Variants in KCNQ5 observed in about 807,000 individuals in gnomAD.
The protein encoded by KCNQ5 is potassium voltage-gated channel subfamily KQT member 5.
Under a neutral mutation model 98.2 loss-of-function variants are expected in KCNQ5, and 30 were observed. The observed-to-expected ratio is 0.31, with a 90% CI of 0.23 to 0.41. The LOEUF is 0.41. Among genes scored for constraint, KCNQ5 ranks in the 10% least tolerant of loss-of-function variants. The probability of loss-of-function intolerance (pLI) is 1.00; values close to 1 mark genes in which losing one functional copy is unlikely to be tolerated. For synonymous variants in KCNQ5, 458 were observed against 449.4 expected (o/e 1.02, Z -0.24); for missense variants, 835 against 1,182.5 (o/e 0.71, Z 4.31).
intron 1 of KCNQ5, among the ~76,000 whole-genome samples, chr6:72,805,698 C>T (rs1774919571): frequency 6.6e-6 from 1 of 151,978 alleles, no homozygotes; most frequent in Non-Finnish European, 1.5e-5. Context: ...CTTTCTATTT[C>T]TGTGAAGAAT....
intron 5 of KCNQ5, among the ~76,000 whole-genome samples, chr6:73,089,333 T>C (rs1004219950): frequency 3.9e-5 from 6 of 152,170 alleles, no homozygotes; most frequent in African/African-American, 1.2e-4. Flanking sequence ...AAGTAGCTTT[T>C]TTTGTTGTTG....
intron 3 of KCNQ5, among the ~76,000 whole-genome samples, chr6:73,049,031 A>G (rs1203916798): frequency 3.9e-5 from 6 of 152,170 alleles, no homozygotes; most frequent in African/African-American, 1.4e-4. Flanking sequence ...AACTGTCACT[A>G]TGGGGTAAAT....
chr6:72,902,818 CT>C (rs1581987645), intron 1 of KCNQ5, among the ~76,000 whole-genome samples: 1 of 152,046 alleles, frequency 6.6e-6, no homozygotes, highest in East Asian at 1.9e-4. Flanking sequence ...TGGTTATGTC[CT>C]TTCCTGATTT....
At chr6:73,144,508 C>A (rs914996058) in intron 10 of KCNQ5, among the ~76,000 whole-genome samples, 1 of 152,202 alleles carries the variant, frequency 6.6e-6, no homozygotes, top group African/African-American at 2.4e-5. Flanking sequence ...GAATTGATGA[C>A]TAATCATTCC....
intron 10 of KCNQ5, among the ~76,000 whole-genome samples, chr6:73,163,152 G>T (rs529439452): frequency 6.6e-6 from 1 of 152,282 alleles, no homozygotes; most frequent in East Asian, 1.9e-4. Context: ...AATTTGGGAG[G>T]CCTAAGTGGG....
chr6:72,656,195 G>C (rs1005698034), intron 1 of KCNQ5, among the ~76,000 whole-genome samples: 1 of 152,068 alleles, frequency 6.6e-6, no homozygotes, highest in Admixed American at 6.6e-5. Context: ...TGTCCTGGAC[G>C]CTCATGCAGC....
chr6:73,120,494 T>G lies in KCNQ5; in HGVS notation c.1137T>G (p.Arg379=). 6.2e-7 allele frequency: 1 copy of G among 1,612,554 alleles called. No individual in the cohort carries two copies. Among genetic ancestry groups the G allele is most frequent in the Non-Finnish European group, 8.5e-7 (1 of 1,178,956 alleles). Residue 379 remains arginine (R), a synonymous_variant, in exon 8 of 14, where the codon CGT becomes CGG. Transcript: ENST00000370398. Reference sequence around the variant, plus strand: ...TATGCCACATGCAGTGTGTTTGGCGTAGTTACGCAGCTGATGAGAAATCTG... The same window carrying G: ...TATGCCACATGCAGTGTGTTTGGCGGAGTTACGCAGCTGATGAGAAATCTG... ...PAANLIQCVW[R]SYAADEKSVS...
chr6:73,068,033 C>T (rs536285402), intron 3 of KCNQ5, among the ~76,000 whole-genome samples: 10 of 152,148 alleles, frequency 6.6e-5, no homozygotes, highest in Admixed American at 3.3e-4. Flanking sequence ...CAATGACTCA[C>T]ACCTGTAATC....
intron 1 of KCNQ5, among the ~76,000 whole-genome samples, chr6:72,883,466 G>T (rs1778725148): frequency 2.0e-5 from 3 of 152,208 alleles, no homozygotes; most frequent in Middle Eastern, 6.8e-3. Flanking sequence ...GATTTTTATA[G>T]ATTCCTCTTG....
chr6:72,741,051 G>C (rs961926018), intron 1 of KCNQ5, among the ~76,000 whole-genome samples: 18 of 152,190 alleles, frequency 1.2e-4, no homozygotes, highest in Non-Finnish European at 2.6e-4. Context: ...CTATAAATTA[G>C]GGAAGAGAGT....
At chr6:72,655,933 G>T (rs1303580795) in intron 1 of KCNQ5, among the ~76,000 whole-genome samples, 3 of 152,120 alleles carry the variant, frequency 2.0e-5, no homozygotes, top group African/African-American at 7.2e-5. Flanking sequence ...GAAAATGAAA[G>T]AATCTATATA....
chr6:73,071,186 T>TACTAGTACTA (rs1425774704), intron 3 of KCNQ5, among the ~76,000 whole-genome samples: 1 of 152,168 alleles, frequency 6.6e-6, no homozygotes, highest in Non-Finnish European at 1.5e-5. Context: ...ACATTAGATT[T>TACTAGTACTA]ACTAGTACTA....
intron 1 of KCNQ5, among the ~76,000 whole-genome samples, chr6:72,668,503 G>C (rs1392142014): frequency 1.3e-5 from 2 of 152,046 alleles, no homozygotes; most frequent in African/African-American, 4.8e-5. Context: ...GGTAGATTTA[G>C]AAAAGTTTTT....
At chr6:72,653,528 G>T (rs997489458) in intron 1 of KCNQ5, among the ~76,000 whole-genome samples, 3 of 151,886 alleles carry the variant, frequency 2.0e-5, no homozygotes, top group African/African-American at 7.2e-5. Flanking sequence ...TTGTATAGTT[G>T]TGGTCATTAT....
At chr6:72,699,013 C>A (rs563311066) in intron 1 of KCNQ5, among the ~76,000 whole-genome samples, 1 of 152,024 alleles carries the variant, frequency 6.6e-6, no homozygotes, top group Non-Finnish European at 1.5e-5. Flanking sequence ...TAGAGTTAAC[C>A]GTAACACAGT....
chr6:72,896,751 A>C (rs917871781), intron 1 of KCNQ5, among the ~76,000 whole-genome samples: 5 of 152,122 alleles, frequency 3.3e-5, no homozygotes, highest in African/African-American at 1.2e-4. Flanking sequence ...AGTTGGAAAA[A>C]GTGCCGCTCC....
At chr6:72,752,594 A>C (rs9442844) in intron 1 of KCNQ5, among the ~76,000 whole-genome samples, 1 of 152,040 alleles carries the variant, frequency 6.6e-6, no homozygotes. Flanking sequence ...TGAGTCTCCA[A>C]GTTGTATTCA....
chr6:72,705,682 G>C (rs936705178), intron 1 of KCNQ5, among the ~76,000 whole-genome samples: 1 of 150,856 alleles, frequency 6.6e-6, no homozygotes, highest in Non-Finnish European at 1.5e-5. Context: ...GTAGGATTTT[G>C]TGGTCCCTTT....
At chr6:72,782,684 T>A (rs1351096103) in intron 1 of KCNQ5, among the ~76,000 whole-genome samples, 1 of 152,164 alleles carries the variant, frequency 6.6e-6, no homozygotes, top group Non-Finnish European at 1.5e-5. Flanking sequence ...TTTTATTTTA[T>A]CATAACACCA....
Sources: gnomAD v4.1 joint callset for allele counts (sites outside exome capture counted in the v4.1 genomes callset) on GRCh38, gnomAD v4.1.1 for gene constraint, MANE v1.5 for transcripts, NCBI Gene and HGNC (gene_info 2026-07-23, HGNC 2026-07-21) for gene names.